The following PCDHGA5 variants were observed in gnomAD, a reference collection of about 807,000 sequenced individuals.
PCDHGA5 encodes the protein protocadherin gamma subfamily A, 5.
A neutral mutation model predicts 56.7 loss-of-function variants in PCDHGA5; 36 were observed. That is an observed-to-expected ratio of 0.64 (90% CI 0.49 to 0.84). The LOEUF is 0.84. Among genes scored for constraint, PCDHGA5 ranks in the 40% least tolerant of loss-of-function variants. PCDHGA5 has a pLI of 0.00. For synonymous variants in PCDHGA5, 563 were observed against 520.2 expected (o/e 1.08, Z -1.12); for missense variants, 1,305 against 1,201.5 (o/e 1.09, Z -1.27).
intron 1 of PCDHGA5, among the ~76,000 whole-genome samples, chr5:141,436,594 G>T (rs79477223): frequency 0.052 from 7,980 of 152,210 alleles, 223 homozygotes; most frequent in South Asian, 0.079. Flanking sequence ...AAAGGTCGTG[G>T]TGATGGCTAG....
At chr5:141,371,369 A>C (rs1370186119) in intron 1 of PCDHGA5, 3 of 1,614,014 alleles carry the variant, frequency 1.9e-6, no homozygotes, top group Non-Finnish European at 2.5e-6. Context: ...AGGATGGTGG[A>C]CATCACACTG....
At chr5:141,398,980 G>T in intron 1 of PCDHGA5, 1 of 1,613,860 alleles carries the variant, frequency 6.2e-7, no homozygotes, top group Non-Finnish European at 8.5e-7. Context: ...CTACAGAACC[G>T]GGCAAATCTT....
intron 1 of PCDHGA5, among the ~76,000 whole-genome samples, chr5:141,386,562 A>G (rs979902403): frequency 3.0e-4 from 45 of 152,130 alleles, no homozygotes; most frequent in Non-Finnish European, 4.7e-4. Context: ...TATTTTGCAC[A>G]TGATAGACTC....
intron 1 of PCDHGA5, chr5:141,374,208 G>A (rs777295061): frequency 1.2e-6 from 2 of 1,613,952 alleles, no homozygotes; most frequent in East Asian, 2.2e-5. Context: ...CTGGAGAAAG[G>A]CTCCTTCGTA....
Position 141,505,388 on chromosome 5 carries a change from C to T in PCDHGA5, c.2481-5C>T, listed in dbSNP as rs756505223. ...TCTGTGCTCACCATCCTACTCTCTCCCCAGCTCCCAAAATGGCGATGACAC... is the reference window on the plus strand; with the variant it reads ...TCTGTGCTCACCATCCTACTCTCTCTCCAGCTCCCAAAATGGCGATGACAC... On this transcript the variant is annotated splice_polypyrimidine_tract_variant and splice_region_variant and intron_variant, in intron 2 of 3. Transcript: ENST00000518069. The T allele has an allele frequency of 6.2e-7, 1 of 1,613,972 alleles. No homozygotes were observed. The highest frequency in any genetic ancestry group is 2.2e-5 in the East Asian group (1 of 44,886).
At chr5:141,381,987 G>A (rs896707419) in intron 1 of PCDHGA5, among the ~76,000 whole-genome samples, 9 of 151,320 alleles carry the variant, frequency 5.9e-5, no homozygotes, top group Non-Finnish European at 1.2e-4. Context: ...GCGCCACCAC[G>A]CCCGGATAAT....
chr5:141,410,789 A>G (rs1264282350), intron 1 of PCDHGA5: 13 of 794,352 alleles, frequency 1.6e-5, no homozygotes, highest in Non-Finnish European at 2.4e-5. Flanking sequence ...TATTTGGTTC[A>G]TAAGTTGCTC....
intron 1 of PCDHGA5, chr5:141,383,554 G>A (rs773842723): frequency 1.9e-6 from 3 of 1,612,524 alleles, no homozygotes; most frequent in Non-Finnish European, 2.5e-6. Context: ...TGATGGCGGC[G>A]ACCCGCCCCG....
chr5:141,384,064 A>G, intron 1 of PCDHGA5: 13 of 1,607,984 alleles, frequency 8.1e-6, no homozygotes, highest in Non-Finnish European at 1.1e-5. Context: ...CATTCCAGAA[A>G]ACCTACCTTT....
Position 141,364,406 on chromosome 5 carries a change from C to A in PCDHGA5, c.76C>A (p.Pro26Thr). The A allele has an allele frequency of 6.2e-7, 1 of 1,609,568 alleles. No homozygotes were observed. The highest frequency in any genetic ancestry group is 2.2e-5 in the East Asian group (1 of 44,850). The change falls in exon 1 of 4, where the codon CCA becomes ACA. Residue 26 changes from proline to threonine, a missense_variant. Transcript: ENST00000518069. ...CATGCTCCTGGGGACGCTGTGCGAG[C>A]CAGGATCCGGGCAGATCCGCTACTC... is the stretch of plus-strand genomic sequence containing the variant. The part of the protein sequence containing the change: ...PFMLLGTLCE[P>T]GSGQIRYSMP...
At chr5:141,389,330 C>A in intron 1 of PCDHGA5, 2 of 1,614,000 alleles carry the variant, frequency 1.2e-6, no homozygotes, top group Non-Finnish European at 1.7e-6. Context: ...TGGGGCCCAA[C>A]GGCCAAGTCT....
intron 1 of PCDHGA5, among the ~76,000 whole-genome samples, chr5:141,481,309 T>C (rs577046585): frequency 2.6e-4 from 39 of 152,310 alleles, no homozygotes; most frequent in African/African-American, 9.1e-4. Context: ...GGAAAAACCT[T>C]CCTAAAGCAC....
At chr5:141,461,989 A>G (rs2099028358) in intron 1 of PCDHGA5, among the ~76,000 whole-genome samples, 1 of 152,074 alleles carries the variant, frequency 6.6e-6, no homozygotes, top group African/African-American at 2.4e-5. Flanking sequence ...ACGCCAGGCT[A>G]ATTTTGTATT....
At position 141,365,066 on chromosome 5, in the gene PCDHGA5, G is replaced by A. The variant is rs1763717164; in HGVS notation, c.736G>A (p.Glu246Lys). 2.5e-6 allele frequency: 4 copies of A among 1,613,774 alleles called. No individual in the cohort carries two copies. Among genetic ancestry groups the A allele is most frequent in the African/African-American group, 1.3e-5 (1 of 75,036 alleles). Residue 246 changes from glutamate (E) to lysine (K), a missense_variant, in exon 1 of 4, where the codon GAG (glutamate) becomes AAG (lysine). Transcript: ENST00000518069. ...NDNAPLFTPS[E>K]YSVSVPENIP... ...CAATGCGCCCCTGTTCACCCCATCC[G>A]AGTACAGCGTGAGTGTTCCAGAGAA...
chr5:141,386,789 A>G lies in PCDHGA5; in HGVS notation c.2421+20038A>G, dbSNP rs144966256. Among the ~76,000 whole-genome samples the G allele has an allele frequency of 8.8e-3, 1,344 of 152,342 alleles. 18 individuals carry two copies. Among genetic ancestry groups the G allele is most frequent in the African/African-American group, 0.031 (1,269 of 41,584 alleles). On this transcript the variant is annotated intron_variant, in intron 1 of 3. Coordinates refer to ENST00000518069, the MANE Select transcript of PCDHGA5 (RefSeq NM_018918.3). ...GTATTTTGTAAAAGAAAATCTCCTG[A>G]CCAAAATTTATTAGATGCATAAAAT...
In PCDHGA5 at chr5:141,365,430, C is replaced by G; in HGVS notation, c.1100C>G (p.Ala367Gly). The G allele has an allele frequency of 6.2e-7, 1 of 1,613,960 alleles. No homozygotes were observed. Among genetic ancestry groups the G allele is most frequent in the Middle Eastern group, 1.6e-4 (1 of 6,062 alleles). ...SEDCLPGTVI[A>G]LFSVHDGDSG... ...GACTGTCTTCCCGGAACTGTAATCG[C>G]GCTGTTTAGCGTACATGATGGTGAT... Residue 367 changes from alanine (A) to glycine (G), a missense_variant, in exon 1 of 4, where the codon GCG (alanine) becomes GGG (glycine). Physicochemically the swap from Ala to Gly is moderately conservative, Grantham distance 60. Coordinates refer to ENST00000518069, the MANE Select transcript of PCDHGA5 (RefSeq NM_018918.3).
intron 2 of PCDHGA5, among the ~76,000 whole-genome samples, chr5:141,500,359 C>T (rs2099799599): frequency 6.6e-6 from 1 of 152,032 alleles, no homozygotes; most frequent in Non-Finnish European, 1.5e-5. Flanking sequence ...CAGGCGCCCA[C>T]TACCACGCCC....
intron 1 of PCDHGA5, chr5:141,417,644 A>G (rs2096142506): frequency 3.9e-6 from 3 of 779,086 alleles, no homozygotes; most frequent in Non-Finnish European, 5.8e-6. Context: ...GGGATCCCTC[A>G]GCCTCTAGCC....
At chr5:141,505,536 C>T (rs749205049) in intron 3 of PCDHGA5, 55 bp downstream of exon 3, 9 of 1,610,164 alleles carry the variant, frequency 5.6e-6, no homozygotes, top group Non-Finnish European at 7.6e-6. Context: ...TTCTGGGGTG[C>T]ATCTCACAGC....
Sources: gnomAD v4.1 joint callset for allele counts (sites outside exome capture counted in the v4.1 genomes callset) on GRCh38, gnomAD v4.1.1 for gene constraint, MANE v1.5 for transcripts, NCBI Gene and HGNC (gene_info 2026-07-23, HGNC 2026-07-21) for gene names.